ANKFY1: variants seen among roughly 807,000 people sequenced by gnomAD.
The protein encoded by ANKFY1 is ankyrin repeat and FYVE domain containing 1.
In ANKFY1, 47 loss-of-function variants were observed where a neutral mutation model predicts 128.3. That is an observed-to-expected ratio of 0.37 (90% confidence interval 0.29 to 0.47). The LOEUF (loss-of-function observed/expected upper bound fraction) is 0.47. ANKFY1 is among the 20% of genes least tolerant of loss of function. The probability of loss-of-function intolerance (pLI) is 1.00; values close to 1 mark genes in which losing one functional copy is unlikely to be tolerated. For synonymous variants in ANKFY1, 553 were observed against 601.6 expected, an observed-to-expected ratio of 0.92 and a Z score of 1.18; for missense variants, 1,222 against 1,510.6, an observed-to-expected ratio of 0.81 and a Z score of 3.17.
intron 3 of ANKFY1, among the ~76,000 whole-genome samples, chr17:4,221,420 C>T (rs1433763928): frequency 1.3e-5 from 2 of 152,200 alleles, no homozygotes; most frequent in South Asian, 2.1e-4. Context: ...TCATGTTGCC[C>T]AGGCTGGCCT....
intron 20 of ANKFY1, among the ~76,000 whole-genome samples, chr17:4,173,692 G>A (rs920692605): frequency 6.6e-6 from 1 of 152,214 alleles, no homozygotes; most frequent in East Asian, 1.9e-4. Flanking sequence ...GTTTCCCAAG[G>A]AGGCAGTGTG....
Position 4,243,113 on chromosome 17 carries a change from C to G in ANKFY1, c.11-665G>C, listed in dbSNP as rs149611996. Among the ~76,000 whole-genome samples the G allele has an allele frequency of 1.8e-3, 267 of 152,230 alleles. 1 individual carries two copies. Among genetic ancestry groups the G allele is most frequent in the Admixed American group, 2.9e-3 (44 of 15,282 alleles). On this transcript the variant is annotated intron_variant, in intron 1 of 24. Transcript: ENST00000341657. ...GACAGAGTCTTGCTCTGTCATGAGG[C>G]TGGAGTGCAGTGGTGCGATCTGGGC...
Position 4,183,402 on chromosome 17 carries a change from C to T in ANKFY1, c.1948G>A (p.Val650Ile). ...FLLEHQADIN[V>I]RTQDGETALQ... is the part of the protein sequence containing the mutation. The stretch of plus-strand genomic sequence containing the variant: ...GAGAGAGCGGCTTCCTCCTACCTGA[C>T]ATTTATATCTGCCTGGTGCTCCAGC... Residue 650 changes from valine (V) to isoleucine (I), a missense_variant, in exon 14 of 25, where the codon GTC becomes ATC. Physicochemically the swap from Val to Ile is conservative, Grantham distance 29. Coordinates refer to ENST00000341657, the MANE Select transcript of ANKFY1 (RefSeq NM_001330063.2). 6.2e-7 allele frequency: 1 copy of T among 1,613,724 alleles called. No individual in the cohort carries two copies. The highest frequency in any genetic ancestry group is 8.5e-7 in the Non-Finnish European group (1 of 1,179,904).
In ANKFY1 at chr17:4,169,013, C is replaced by G; in HGVS notation, c.3377+185G>C. Reference sequence around the variant, plus strand: ...AAGCCACCCGTCTGCAGGCTCCCTGCCTTCCCTACATCTCTGTTCCTCAGT... The same window carrying G: ...AAGCCACCCGTCTGCAGGCTCCCTGGCTTCCCTACATCTCTGTTCCTCAGT... On this transcript the variant is annotated intron_variant, in intron 24 of 24. Coordinates refer to ENST00000341657, the MANE Select transcript of ANKFY1 (RefSeq NM_001330063.2). This position sits in a 1 kb window ranked among gnomAD's most constrained non-coding sequence, Gnocchi z 5.0. 1.8e-6 allele frequency: 1 copy of G among 562,892 alleles called. No homozygotes were observed. The highest frequency in any genetic ancestry group is 3.2e-6 in the Non-Finnish European group (1 of 313,708). The allele number at this position is 562,892 out of a possible 1,614,324, so 34.9% of individuals were successfully genotyped here.
intron 4 of ANKFY1, among the ~76,000 whole-genome samples, chr17:4,211,955 G>C (rs1159237637): frequency 6.6e-6 from 1 of 152,024 alleles, no homozygotes; most frequent in Admixed American, 6.5e-5. Flanking sequence ...AGAAGAGAGA[G>C]CTGAAGGCAG....
At chr17:4,259,342 G>A (rs550689481) in intron 1 of ANKFY1, among the ~76,000 whole-genome samples, 37 of 152,236 alleles carry the variant, frequency 2.4e-4, no homozygotes, top group South Asian at 1.4e-3. Flanking sequence ...GTGCGGTGGC[G>A]CGATCTCGGA....
chr17:4,263,647 C>T (rs1220277100), intron 1 of ANKFY1: 10 of 1,534,594 alleles, frequency 6.5e-6, no homozygotes, highest in African/African-American at 1.4e-5. Flanking sequence ...GTGCTGCCCT[C>T]GGGGCCCCGC....
At chr17:4,223,587 C>A (rs745445254) in intron 3 of ANKFY1, 5 of 1,268,406 alleles carry the variant, frequency 3.9e-6, no homozygotes, top group Admixed American at 1.7e-5. Context: ...ATGTGTGGGG[C>A]CTTTGGAGTG....
At chr17:4,231,935 T>TAA (rs773041555) in intron 3 of ANKFY1, among the ~76,000 whole-genome samples, 8 of 125,286 alleles carry the variant, frequency 6.4e-5, no homozygotes, top group African/African-American at 2.1e-4. Flanking sequence ...AAATCCTGTT[T>TAA]AAAAAAAAAA....
chr17:4,179,843 C>A lies in ANKFY1; in HGVS notation c.2275G>T (p.Ala759Ser). The A allele has an allele frequency of 2.5e-6, 4 of 1,614,216 alleles. No individual in the cohort carries two copies. Among genetic ancestry groups the A allele is most frequent in the Non-Finnish European group, 3.4e-6 (4 of 1,180,050 alleles). ...CDVNSPRQPG[A>S]NGEGEEEARD... Reference sequence around the variant, plus strand: ...GCCTCTTCCTCTCCTTCTCCATTGGCGCCTGGTTGTCTGGGACTGTTCACG... The same window carrying A: ...GCCTCTTCCTCTCCTTCTCCATTGGAGCCTGGTTGTCTGGGACTGTTCACG... The change falls in exon 17 of 25, where the codon GCC becomes TCC. Residue 759 changes from alanine to serine, a missense_variant. Physicochemically the swap from Ala to Ser is moderately conservative, Grantham distance 99 (BLOSUM62 1). Coordinates refer to ENST00000341657, the MANE Select transcript of ANKFY1 (RefSeq NM_001330063.2).
At chr17:4,224,861 G>A (rs1258612510) in intron 3 of ANKFY1, among the ~76,000 whole-genome samples, 1 of 151,506 alleles carries the variant, frequency 6.6e-6, no homozygotes, top group Non-Finnish European at 1.5e-5. Flanking sequence ...TCCAGAAAGT[G>A]GACTCATATT....
At chr17:4,254,303 C>CAAAAAAAAAAAAAAAAAAAAAAAAAA (rs572606909) in intron 1 of ANKFY1, among the ~76,000 whole-genome samples, 1 of 81,954 alleles carries the variant, frequency 1.2e-5, no homozygotes, top group Non-Finnish European at 2.2e-5. Flanking sequence ...GACTCCATCT[C>CAAAAAAAAAAAAAAAAAAAAAAAAAA]AAAAAAAAAA....
chr17:4,168,545 TG>T (rs1297145618), intron 24 of ANKFY1, among the ~76,000 whole-genome samples: 1 of 152,110 alleles, frequency 6.6e-6, no homozygotes, highest in East Asian at 1.9e-4. Context: ...CACGCTGGAG[TG>T]CAGTGGCGTG....
chr17:4,196,420 T>C (rs1049771625), intron 8 of ANKFY1, among the ~76,000 whole-genome samples: 1 of 152,132 alleles, frequency 6.6e-6, no homozygotes, highest in Non-Finnish European at 1.5e-5. Context: ...ATACTGAGAA[T>C]GTTCTAATGA....
chr17:4,192,746 G>A (rs1196998024), intron 10 of ANKFY1, among the ~76,000 whole-genome samples: 6 of 152,146 alleles, frequency 3.9e-5, no homozygotes, highest in African/African-American at 4.8e-5. Flanking sequence ...TCACTAAACC[G>A]TTAAAAGCGA....
chr17:4,238,189 C>T (rs1424557080), intron 2 of ANKFY1, among the ~76,000 whole-genome samples: 1 of 139,720 alleles, frequency 7.2e-6, no homozygotes, highest in African/African-American at 2.7e-5. Flanking sequence ...CTACCAGTTT[C>T]TTCCACATTT....
At chr17:4,250,596 T>C (rs778053864) in intron 1 of ANKFY1, among the ~76,000 whole-genome samples, 6 of 152,168 alleles carry the variant, frequency 3.9e-5, no homozygotes, top group Non-Finnish European at 8.8e-5. Context: ...TCTCTCCAAA[T>C]TGGTCTATAG....
At position 4,178,770 on chromosome 17, in the gene ANKFY1, G is replaced by A; in HGVS notation, c.2598+87C>T. 3.1e-6 allele frequency: 4 copies of A among 1,295,158 alleles called. 1 individual carries two copies. The South Asian group carries it at 3.7e-5, about 12-fold the overall frequency. The allele number at this position is 1,295,158 out of a possible 1,614,324, so 80.2% of individuals were successfully genotyped here. ...CAAAACAAAGCTCTTTCCATGAGGA[G>A]ACCTGTTTAGTCGGTGACATCTGTC... On this transcript the variant is annotated intron_variant, in intron 18 of 24. Transcript: ENST00000341657. This position sits in a 1 kb window ranked among gnomAD's most constrained non-coding sequence, Gnocchi z 4.1.
chr17:4,229,423 CAAAA>C (rs113840684), intron 3 of ANKFY1, among the ~76,000 whole-genome samples: 1 of 110,536 alleles, frequency 9.0e-6, no homozygotes, highest in Non-Finnish European at 1.9e-5. Context: ...GGCTCTGTCT[CAAAA>C]AAAAAAAAGA....
Sources: gnomAD v4.1 joint callset for allele counts (sites outside exome capture counted in the v4.1 genomes callset) on GRCh38, gnomAD v4.1.1 for gene constraint, Gnocchi (gnomAD v3.1) non-coding constraint, MANE v1.5 for transcripts, NCBI Gene and HGNC (gene_info 2026-07-23, HGNC 2026-07-21) for gene names.